Variants in ADCK2 observed in about 807,000 individuals in gnomAD.
ADCK2 encodes aarF domain containing kinase 2.
A neutral mutation model predicts 52.3 loss-of-function variants in ADCK2; 37 were observed. That is an observed-to-expected ratio of 0.71 (90% confidence interval 0.54 to 0.93). The LOEUF (loss-of-function observed/expected upper bound fraction) is 0.93, where lower values mean the gene tolerates loss of function less well. Among genes scored for constraint, ADCK2 ranks in the 40% least tolerant of loss-of-function variants. The pLI is 0.00. For synonymous variants in ADCK2, 321 were observed against 349.2 expected (o/e 0.92, Z 0.90); for missense variants, 695 against 798.7 (o/e 0.87, Z 1.56).
intron 4 of ADCK2, 135 bp downstream of exon 4, chr7:140,681,272 G>A (rs902564509): frequency 4.0e-6 from 3 of 749,382 alleles, no homozygotes; most frequent in Non-Finnish European, 6.8e-6. Context: ...GTCTGGTCTA[G>A]AAAGAGTGGA....
chr7:140,684,144 G>C (rs566976407), intron 4 of ADCK2, among the ~76,000 whole-genome samples: 2 of 152,262 alleles, frequency 1.3e-5, no homozygotes, highest in Non-Finnish European at 2.9e-5. Context: ...GTAGCCTGGG[G>C]GTTAGGAGCC....
In ADCK2 at chr7:140,694,935, C is replaced by T; in HGVS notation, c.*132C>T. On this transcript the variant is annotated 3_prime_UTR_variant, in exon 8 of 8. Coordinates refer to ENST00000072869, the MANE Select transcript of ADCK2 (RefSeq NM_052853.4). ...TAACCCTCCAGTGGTGGAAGGCACACCATGGCTTCCTCTGCTTGGTTTGAG... is the reference window on the plus strand; with the variant it reads ...TAACCCTCCAGTGGTGGAAGGCACATCATGGCTTCCTCTGCTTGGTTTGAG... The T allele has an allele frequency of 7.0e-7, 1 of 1,425,542 alleles. No individual in the cohort carries two copies. The highest frequency in any genetic ancestry group is 9.1e-7 in the Non-Finnish European group (1 of 1,094,066). The allele number at this position is 1,425,542 out of a possible 1,614,324, so 88.3% of individuals were successfully genotyped here.
chr7:140,673,675 C>G lies in ADCK2; in HGVS notation c.345C>G (p.Leu115=). ...TGGTGAAATTCTTCCCCCTCCTACT[C>G]CTCTACCCCCTCACCTACCTGGCTC... ...ALLVKFFPLL[L]LYPLTYLAPS... is the part of the protein sequence containing the mutation. The change falls in exon 1 of 8, where the codon CTC becomes CTG. Residue 115 remains leucine (L), a synonymous_variant. Coordinates refer to ENST00000072869, the MANE Select transcript of ADCK2 (RefSeq NM_052853.4). This position sits in a 1 kb window ranked among gnomAD's most constrained non-coding sequence, Gnocchi z 6.4. 1 of 1,611,554 alleles carries G rather than the reference C, an allele frequency of 6.2e-7. No homozygotes were observed. The highest frequency in any genetic ancestry group is 8.5e-7 in the Non-Finnish European group (1 of 1,179,938).
At chr7:140,677,141 C>G (rs1044537466) in intron 2 of ADCK2, among the ~76,000 whole-genome samples, 1 of 152,168 alleles carries the variant, frequency 6.6e-6, no homozygotes, top group Non-Finnish European at 1.5e-5. Flanking sequence ...GGTGCCGTGG[C>G]TCACACCTGT....
chr7:140,676,859 C>A (rs1403447080), intron 2 of ADCK2, among the ~76,000 whole-genome samples: 1 of 151,752 alleles, frequency 6.6e-6, no homozygotes, highest in African/African-American at 2.4e-5. Context: ...TCATCTCTAC[C>A]AAAAATACAA....
At chr7:140,676,695 C>T (rs1290501649) in intron 2 of ADCK2, among the ~76,000 whole-genome samples, 2 of 152,184 alleles carry the variant, frequency 1.3e-5, no homozygotes, top group African/African-American at 4.8e-5. Context: ...AGTGTCTCTC[C>T]ATTCATTTAT....
rs557821462 is a variant in ADCK2 at position 140,682,148 on chromosome 7, C to T, written c.1305+1011C>T. Among the ~76,000 whole-genome samples the T allele has an allele frequency of 2.6e-4, 40 of 152,348 alleles. 1 individual carries two copies. The highest frequency in any genetic ancestry group is 9.4e-4 in the African/African-American group (39 of 41,578). On this transcript the variant is annotated intron_variant, in intron 4 of 7. Coordinates refer to ENST00000072869, the MANE Select transcript of ADCK2 (RefSeq NM_052853.4). ...GCAGTGAGCAAAACAGACACAATTA[C>T]AATGCTCGTGACATACTATTCCTTG... is the stretch of plus-strand genomic sequence containing the variant.
chr7:140,689,915 G>C (rs561420291), intron 6 of ADCK2, among the ~76,000 whole-genome samples, 190 bp downstream of exon 6: 1 of 152,118 alleles, frequency 6.6e-6, no homozygotes, highest in Non-Finnish European at 1.5e-5. Flanking sequence ...CTCCTTGTGC[G>C]GTGCCACTTA....
chr7:140,675,814 A>G (rs567689580), intron 2 of ADCK2, among the ~76,000 whole-genome samples: 166 of 152,364 alleles, frequency 1.1e-3, no homozygotes, highest in African/African-American at 3.7e-3. Flanking sequence ...TTCCAGGGCA[A>G]TTGAGTCAAC....
rs1316128785 is a variant in ADCK2 at position 140,678,679 on chromosome 7, G to A, written c.1081-476G>A. 6.6e-6 allele frequency among the ~76,000 whole-genome samples: 1 copy of A among 152,194 alleles called. No individual in the cohort carries two copies. Among genetic ancestry groups the A allele is most frequent in the Non-Finnish European group, 1.5e-5 (1 of 68,028 alleles). On this transcript the variant is annotated intron_variant, in intron 2 of 7. Transcript: ENST00000072869. This position sits in a 1 kb window ranked among gnomAD's most constrained non-coding sequence, Gnocchi z 4.9. Reference sequence around the variant, plus strand: ...AACCTGGAAGTGGTCCTTTGGGTCTGGTGAGTGGTGGTTGGGGAGAGTAGC... The same window carrying A: ...AACCTGGAAGTGGTCCTTTGGGTCTAGTGAGTGGTGGTTGGGGAGAGTAGC...
Position 140,693,286 on chromosome 7 carries a change from G to A in ADCK2, c.1741-1377G>A, listed in dbSNP as rs537864649. Among the ~76,000 whole-genome samples the A allele has an allele frequency of 9.2e-5, 14 of 152,292 alleles. No individual in the cohort carries two copies. Among genetic ancestry groups the A allele is most frequent in the African/African-American group, 1.9e-4 (8 of 41,572 alleles). On this transcript the variant is annotated intron_variant, in intron 7 of 7. Coordinates refer to ENST00000072869, the MANE Select transcript of ADCK2 (RefSeq NM_052853.4). This position sits in a 1 kb window ranked among gnomAD's most constrained non-coding sequence, Gnocchi z 4.0. Reference sequence around the variant, plus strand: ...GTGTTAGAGCCCTGGGTTCCCACCCGGACCAGAGCCTGTGTGGCCAATCTG... The same window carrying A: ...GTGTTAGAGCCCTGGGTTCCCACCCAGACCAGAGCCTGTGTGGCCAATCTG...
At position 140,673,294 on chromosome 7, in the gene ADCK2, T is replaced by C. The variant is rs772692262; in HGVS notation, c.-37T>C. The C allele has an allele frequency of 9.2e-6, 13 of 1,419,908 alleles. No individual in the cohort carries two copies. The highest frequency in any genetic ancestry group is 1.2e-5 in the Non-Finnish European group (13 of 1,087,054). The allele number at this position is 1,419,908 out of a possible 1,614,324, so 88.0% of individuals were successfully genotyped here. On this transcript the variant is annotated 5_prime_UTR_variant, in exon 1 of 8. Transcript: ENST00000072869. The surrounding 1 kb of genome is among the most constrained non-coding windows in gnomAD (Gnocchi z 6.4). The stretch of plus-strand genomic sequence containing the variant: ...CTCGCCTGAGCGGGCGCCTCTGAAG[T>C]GGAGGGCGGGCCGCCTGGGCCGCGG...
Position 140,673,241 on chromosome 7 carries a change from C to T in ADCK2, c.-90C>T. 8.5e-7 allele frequency: 1 copy of T among 1,179,038 alleles called. No homozygotes were observed. Among genetic ancestry groups the T allele is most frequent in the Non-Finnish European group, 1.1e-6 (1 of 896,950 alleles). The allele number at this position is 1,179,038 out of a possible 1,614,324, so 73.0% of individuals were successfully genotyped here. ...AGATGGGCAGCTCCGTCCGCGGGGT[C>T]AGGGCCGGGCTTCGGCTTCACCGCA... On this transcript the variant is annotated 5_prime_UTR_variant, in exon 1 of 8. Transcript: ENST00000072869. This position sits in a 1 kb window ranked among gnomAD's most constrained non-coding sequence, Gnocchi z 6.4.
At chr7:140,677,301 G>A (rs1794436681) in intron 2 of ADCK2, among the ~76,000 whole-genome samples, 1 of 151,780 alleles carries the variant, frequency 6.6e-6, no homozygotes, top group Admixed American at 6.6e-5. Flanking sequence ...CCAGCTACTC[G>A]AGAGGCTGAG....
In ADCK2 at chr7:140,694,847, A is replaced by T. The variant is rs184023766; in HGVS notation, c.*44A>T. On this transcript the variant is annotated 3_prime_UTR_variant, in exon 8 of 8. Transcript: ENST00000072869. Reference sequence around the variant, plus strand: ...GGGCCCTTGTCAAGAGCTGGAGGCCACTCCCAAGAGCCTCTCCTATGGCAG... The same window carrying T: ...GGGCCCTTGTCAAGAGCTGGAGGCCTCTCCCAAGAGCCTCTCCTATGGCAG... The T allele has an allele frequency of 1.0e-4, 160 of 1,575,262 alleles. No homozygotes were observed. The highest frequency in any genetic ancestry group is 9.0e-4 in the South Asian group (77 of 86,002).
At chr7:140,688,158 C>T (rs913146176) in intron 5 of ADCK2, among the ~76,000 whole-genome samples, 1 of 151,966 alleles carries the variant, frequency 6.6e-6, no homozygotes, top group African/African-American at 2.4e-5. Context: ...AATTCTCCTG[C>T]CACGCCTCCT....
rs1269170560 is a variant in ADCK2, at chr7:140,679,279, A to G, written c.1205A>G (p.Tyr402Cys). The change falls in exon 3 of 8, where the codon TAT becomes TGT. Residue 402 changes from tyrosine to cysteine, a missense_variant. Transcript: ENST00000072869. ...FVTREVLVETYEESVPVSSYQ... is the reference protein window; with the variant it reads ...FVTREVLVETCEESVPVSSYQ... ...ACCAGAGAAGTCTTGGTGGAAACGT[A>G]TGAAGTAAGAGTGATGGCTTTGCCT... The G allele has an allele frequency of 1.2e-6, 2 of 1,613,838 alleles. No homozygotes were observed. The highest frequency in any genetic ancestry group is 1.7e-5 in the Admixed American group (1 of 59,974).
In ADCK2 at chr7:140,681,418, C is replaced by T. The variant is rs561641978; in HGVS notation, c.1305+281C>T. Among the ~76,000 whole-genome samples, 9 of 151,644 alleles carry T rather than the reference C, an allele frequency of 5.9e-5. No homozygotes were observed. In the South Asian group the frequency reaches 8.3e-4, roughly 14 times the overall value. ...CTGCAAGCTCTGCCTCCTGGGTTCA[C>T]GCCATTCTCCTGCCTCAGCCTCCCA... On this transcript the variant is annotated intron_variant, in intron 4 of 7. Transcript: ENST00000072869.
rs573621752 is a variant in ADCK2 at position 140,675,459 on chromosome 7, C to T, written c.1080+702C>T. 2.0e-5 allele frequency among the ~76,000 whole-genome samples: 3 copies of T among 152,338 alleles called. No homozygotes were observed. In the South Asian group the frequency reaches 6.2e-4, roughly 32 times the overall value. ...CGTACGGTCAAGAGAGGGAGCTCTACTCCCTAGTTTCAGGGGACTCAATTT... is the reference window on the plus strand; with the variant it reads ...CGTACGGTCAAGAGAGGGAGCTCTATTCCCTAGTTTCAGGGGACTCAATTT... On this transcript the variant is annotated intron_variant, in intron 2 of 7. Transcript: ENST00000072869.
Sources: gnomAD v4.1 joint callset for allele counts (sites outside exome capture counted in the v4.1 genomes callset) on GRCh38, gnomAD v4.1.1 for gene constraint, Gnocchi (gnomAD v3.1) non-coding constraint, MANE v1.5 for transcripts, NCBI Gene and HGNC (gene_info 2026-07-23, HGNC 2026-07-21) for gene names.